The following CYP2C8 variants were observed in gnomAD, a reference collection of about 807,000 sequenced individuals.
CYP2C8 encodes the protein cytochrome P450 family 2 subfamily C member 8.
A neutral mutation model predicts 41.3 loss-of-function variants in CYP2C8; 51 were observed. The ratio of observed to expected loss-of-function variants is 1.24; its 90% CI spans 0.99 to 1.56. The LOEUF (loss-of-function observed/expected upper bound fraction) is 1.56. Ranked by LOEUF, CYP2C8 falls within the 40% of genes most tolerant of loss-of-function variation. CYP2C8 has a pLI of 0.00. For synonymous variants in CYP2C8, 218 were observed against 205.8 expected (o/e 1.06, Z -0.51); for missense variants, 651 against 579.9 (o/e 1.12, Z -1.26).
intron 8 of CYP2C8, 107 bp from the exon 9 acceptor site, chr10:95,037,416 T>A: frequency 1.1e-6 from 1 of 922,626 alleles, no homozygotes; most frequent in Non-Finnish European, 1.7e-6. Flanking sequence ...AATAATTGAT[T>A]AATGATTGGG....
At chr10:95,055,419 T>C (rs1009705747) in intron 5 of CYP2C8, among the ~76,000 whole-genome samples, 5 of 152,156 alleles carry the variant, frequency 3.3e-5, no homozygotes, top group African/African-American at 1.2e-4. Context: ...GACAACTGGG[T>C]AGCCACATAC....
chr10:95,053,091 G>T (rs1428380617), intron 5 of CYP2C8, among the ~76,000 whole-genome samples: 19 of 152,028 alleles, frequency 1.2e-4, no homozygotes, highest in Admixed American at 1.2e-3. Context: ...ATTCCGTAAA[G>T]TTGCAAGATA....
chr10:95,058,969 T>C (rs928334111), intron 4 of CYP2C8, among the ~76,000 whole-genome samples: 7 of 142,220 alleles, frequency 4.9e-5, no homozygotes, highest in African/African-American at 1.9e-4. Flanking sequence ...ACAAAGAACA[T>C]GAACTCATCC....
At chr10:95,038,358 G>A (rs2134405007) in intron 8 of CYP2C8, among the ~76,000 whole-genome samples, 1 of 152,274 alleles carries the variant, frequency 6.6e-6, no homozygotes, top group East Asian at 1.9e-4. Flanking sequence ...AGCATGCAGA[G>A]TCCCCCTCTA....
intron 4 of CYP2C8, among the ~76,000 whole-genome samples, chr10:95,058,795 C>A (rs1564739352): frequency 6.6e-6 from 1 of 151,996 alleles, no homozygotes; most frequent in Non-Finnish European, 1.5e-5. Context: ...CCTTCCCCCT[C>A]CCCCCACCAC....
chr10:95,058,522 AAAG>A lies in CYP2C8; in HGVS notation c.643-14_643-12del. The A allele has an allele frequency of 6.3e-7, 1 of 1,595,922 alleles. No individual in the cohort carries two copies. The highest frequency in any genetic ancestry group is 8.6e-7 in the Non-Finnish European group (1 of 1,167,850). ...GAAATTATTGCAGACCTAAAAGAGA[AAAG>A]AATATTAAATATAAACATGTCATAA... On this transcript the variant is annotated splice_polypyrimidine_tract_variant and intron_variant, in intron 4 of 8. Coordinates refer to ENST00000371270, the MANE Select transcript of CYP2C8 (RefSeq NM_000770.3).
intron 6 of CYP2C8, among the ~76,000 whole-genome samples, chr10:95,045,076 G>T (rs574379226): frequency 6.6e-6 from 1 of 152,254 alleles, no homozygotes; most frequent in East Asian, 1.9e-4. Flanking sequence ...TCCTGACACA[G>T]GGAAAAAGGT....
chr10:95,042,007 A>G (rs1394815561), intron 7 of CYP2C8, among the ~76,000 whole-genome samples: 3 of 152,104 alleles, frequency 2.0e-5, no homozygotes, highest in African/African-American at 7.2e-5. Flanking sequence ...ATATTCGTGA[A>G]AATTCTTTTA....
At position 95,064,961 on chromosome 10, in the gene CYP2C8, CT is replaced by C. The variant is rs1360613572; in HGVS notation, c.482-2del. The stretch of plus-strand genomic sequence containing the variant: ...ATGAAAGTGGGATCACAGGGTGAAG[CT>C]AAAGATTTAAAAATTTTTAAAAAAA... On this transcript the variant is annotated splice_acceptor_variant, in intron 3 of 8. Transcript: ENST00000371270. LOFTEE classifies it high-confidence loss of function. The C allele has an allele frequency of 1.4e-6, 2 of 1,472,352 alleles. No homozygotes were observed. Among genetic ancestry groups the C allele is most frequent in the Non-Finnish European group, 1.8e-6 (2 of 1,110,844 alleles). The allele number at this position is 1,472,352 out of a possible 1,614,324, so 91.2% of individuals were successfully genotyped here.
chr10:95,046,273 A>G (rs1367154656), intron 5 of CYP2C8, among the ~76,000 whole-genome samples: 1 of 152,228 alleles, frequency 6.6e-6, no homozygotes, highest in African/African-American at 2.4e-5. Context: ...ACAGAATACT[A>G]TAGACTTGGT....
intron 4 of CYP2C8, among the ~76,000 whole-genome samples, chr10:95,058,898 G>GT (rs1342526484): frequency 1.3e-5 from 2 of 151,874 alleles, no homozygotes; most frequent in African/African-American, 2.4e-5. Context: ...GCAGTGTTTG[G>GT]TTTTTTTGTC....
At chr10:95,044,963 T>G (rs1564735054) in intron 6 of CYP2C8, among the ~76,000 whole-genome samples, 1 of 152,256 alleles carries the variant, frequency 6.6e-6, no homozygotes, top group Non-Finnish European at 1.5e-5. Context: ...CTCCATGTTT[T>G]AGAAATTTGC....
chr10:95,068,676 T>A (rs890204619), intron 1 of CYP2C8: 54 of 1,130,518 alleles, frequency 4.8e-5, no homozygotes, highest in Non-Finnish European at 6.3e-5. Context: ...TGCCACTGTA[T>A]TAAATGATTA....
chr10:95,037,403 G>A (rs2032907744), intron 8 of CYP2C8, 94 bp from the exon 9 acceptor site: 2 of 1,021,238 alleles, frequency 2.0e-6, no homozygotes, highest in Non-Finnish European at 3.0e-6. Flanking sequence ...AGAATATGCA[G>A]TAAATAATTG....
chr10:95,066,216 T>C (rs1025200356), intron 3 of CYP2C8, among the ~76,000 whole-genome samples: 45 of 129,112 alleles, frequency 3.5e-4, no homozygotes, highest in African/African-American at 1.3e-3. Flanking sequence ...GATATCCAGG[T>C]TTTTTTTTTT....
chr10:95,041,631 A>T (rs1168435168), intron 7 of CYP2C8, among the ~76,000 whole-genome samples: 1 of 149,444 alleles, frequency 6.7e-6, no homozygotes, highest in East Asian at 2.0e-4. Flanking sequence ...AATACAAAAA[A>T]TTAGCCGGGC....
At chr10:95,061,773 A>T (rs906911858) in intron 4 of CYP2C8, among the ~76,000 whole-genome samples, 8 of 152,130 alleles carry the variant, frequency 5.3e-5, no homozygotes, top group African/African-American at 1.9e-4. Flanking sequence ...TCTTGTGGGT[A>T]TTTAGTGCTA....
intron 8 of CYP2C8, among the ~76,000 whole-genome samples, chr10:95,038,364 C>G (rs902599338): frequency 6.6e-6 from 1 of 152,192 alleles, no homozygotes; most frequent in Non-Finnish European, 1.5e-5. Flanking sequence ...CAGAGTCCCC[C>G]TCTAGCCGCT....
At position 95,046,555 on chromosome 10, in the gene CYP2C8, CACAA is replaced by C. The variant is rs1430625041; in HGVS notation, c.820-608_820-605del. Among the ~76,000 whole-genome samples the C allele has an allele frequency of 1.6e-4, 25 of 152,232 alleles. 2 individuals are homozygous for C. Among genetic ancestry groups the C allele is most frequent in the African/African-American group, 5.5e-4 (23 of 41,552 alleles). On this transcript the variant is annotated intron_variant, in intron 5 of 8. Coordinates refer to ENST00000371270, the MANE Select transcript of CYP2C8 (RefSeq NM_000770.3). ...TAGTCATGTTTTGTTAGGCTGCACCCACAAACACTGTTGCATTGGGCATTCACTT... is the reference window on the plus strand; with the variant it reads ...TAGTCATGTTTTGTTAGGCTGCACCCACACTGTTGCATTGGGCATTCACTT...
Sources: gnomAD v4.1 joint callset for allele counts (sites outside exome capture counted in the v4.1 genomes callset) on GRCh38, gnomAD v4.1.1 for gene constraint, MANE v1.5 for transcripts, NCBI Gene and HGNC (gene_info 2026-07-23, HGNC 2026-07-21) for gene names.